Variants in PDHX observed in about 807,000 individuals in gnomAD.
PDHX encodes pyruvate dehydrogenase complex component X, also known as pyruvate dehydrogenase protein X component, mitochondrial.
A neutral mutation model predicts 55.3 loss-of-function variants in PDHX; 33 were observed. The ratio of observed to expected loss-of-function variants is 0.60; its 90% CI spans 0.45 to 0.80. PDHX has a LOEUF of 0.80. Ranked by LOEUF, PDHX falls within the 30% of genes least tolerant of loss-of-function variation. PDHX has a pLI of 0.00. For missense variants in PDHX, 622 were observed against 619.9 expected (o/e 1.00, Z -0.04); for synonymous variants, 226 against 219.4 (o/e 1.03, Z -0.27).
At chr11:34,975,351 T>C (rs1255827307) in intron 7 of PDHX, among the ~76,000 whole-genome samples, 1 of 152,182 alleles carries the variant, frequency 6.6e-6, no homozygotes, top group Admixed American at 6.6e-5. Flanking sequence ...ATGTGGTTTC[T>C]CTTTGGGGCT....
chr11:34,930,974 G>A (rs923642151), intron 1 of PDHX, among the ~76,000 whole-genome samples: 2 of 152,154 alleles, frequency 1.3e-5, no homozygotes, highest in African/African-American at 2.4e-5. Context: ...CATCAGAACC[G>A]TGTTTTTGTT....
intron 2 of PDHX, among the ~76,000 whole-genome samples, chr11:34,939,663 G>T (rs965702270): frequency 3.3e-5 from 5 of 152,178 alleles, no homozygotes; most frequent in Admixed American, 1.3e-4. Context: ...GAATATCCTG[G>T]ATTTATAATT....
At chr11:34,964,054 G>A (rs1855077783) in intron 5 of PDHX, among the ~76,000 whole-genome samples, 2 of 152,190 alleles carry the variant, frequency 1.3e-5, no homozygotes, top group Non-Finnish European at 2.9e-5. Flanking sequence ...CAGTAGAGAA[G>A]GTTGTACCTG....
chr11:34,972,600 T>C (rs1282044040), intron 7 of PDHX, among the ~76,000 whole-genome samples: 1 of 152,100 alleles, frequency 6.6e-6, no homozygotes, highest in Non-Finnish European at 1.5e-5. Flanking sequence ...TGTTTTAGCA[T>C]GTTGGCCACG....
At chr11:34,970,793 A>G (rs1195274952) in intron 7 of PDHX, among the ~76,000 whole-genome samples, 1 of 152,220 alleles carries the variant, frequency 6.6e-6, no homozygotes, top group Non-Finnish European at 1.5e-5. Flanking sequence ...AAAACAGTAA[A>G]TGTAATATTA....
At chr11:34,963,881 C>T (rs1286873043) in intron 5 of PDHX, among the ~76,000 whole-genome samples, 1 of 152,184 alleles carries the variant, frequency 6.6e-6, no homozygotes, top group Non-Finnish European at 1.5e-5. Flanking sequence ...GCCCCAATGT[C>T]TTTGGTACAT....
Position 34,957,535 on chromosome 11 carries a change from C to T in PDHX, c.494C>T (p.Pro165Leu), listed in dbSNP as rs1233461632. ...TCAGAGCCTCGCCCCTCACCAGAAC[C>T]ACAGATTTCCATCCCTGTCAAGAAG... ...KPSEPRPSPEPQISIPVKKEH... is the reference protein window; with the variant it reads ...KPSEPRPSPELQISIPVKKEH... The change falls in exon 4 of 11, where the codon CCA becomes CTA. Residue 165 changes from proline (P) to leucine (L), a missense_variant. Physicochemically the swap from Pro to Leu is moderately conservative, Grantham distance 98. Transcript: ENST00000227868. 2 of 1,613,922 alleles carry T rather than the reference C, an allele frequency of 1.2e-6. No individual in the cohort carries two copies. Among genetic ancestry groups the T allele is most frequent in the East Asian group, 2.2e-5 (1 of 44,894 alleles).
chr11:34,936,125 G>A (rs181784590), intron 2 of PDHX, among the ~76,000 whole-genome samples: 1 of 152,310 alleles, frequency 6.6e-6, no homozygotes, highest in East Asian at 1.9e-4. Flanking sequence ...GAGCTGGGGA[G>A]TTTGGGACAA....
intron 7 of PDHX, among the ~76,000 whole-genome samples, chr11:34,971,266 A>G (rs1206133126): frequency 6.6e-6 from 1 of 152,026 alleles, no homozygotes; most frequent in East Asian, 1.9e-4. Context: ...TGATAGTTTT[A>G]TTTCTTTATT....
intron 2 of PDHX, among the ~76,000 whole-genome samples, chr11:34,936,707 T>A (rs1004679202): frequency 6.6e-6 from 1 of 151,978 alleles, no homozygotes; most frequent in South Asian, 2.1e-4. Context: ...TTTATCAGTC[T>A]GTGAGGGTCC....
intron 1 of PDHX, among the ~76,000 whole-genome samples, chr11:34,925,412 G>A (rs563775159): frequency 1.3e-5 from 2 of 152,232 alleles, no homozygotes; most frequent in South Asian, 4.1e-4. Flanking sequence ...CTCTTTAATT[G>A]ATTATTACGT....
intron 3 of PDHX, among the ~76,000 whole-genome samples, chr11:34,954,109 T>C (rs1854847440): frequency 6.6e-6 from 1 of 152,228 alleles, no homozygotes; most frequent in Non-Finnish European, 1.5e-5. Flanking sequence ...TGGAAAATCA[T>C]AGTGATGAAC....
chr11:34,916,285 G>T (rs774565620), upstream of PDHX: 2 of 1,612,310 alleles, frequency 1.2e-6, no homozygotes, highest in Non-Finnish European at 1.7e-6. Context: ...AGCCAGACAT[G>T]GCCCAGACCA....
intron 6 of PDHX, among the ~76,000 whole-genome samples, chr11:34,967,299 T>C (rs1819839057): frequency 6.6e-6 from 1 of 152,214 alleles, no homozygotes; most frequent in Non-Finnish European, 1.5e-5. Flanking sequence ...AATGCTTTGT[T>C]TTACAGATTT....
upstream of PDHX, chr11:34,916,231 C>G (rs763711108): frequency 6.2e-7 from 1 of 1,611,518 alleles, no homozygotes; most frequent in South Asian, 1.1e-5. Context: ...CCCCTACCTG[C>G]GCGCCGCATC....
intron 10 of PDHX, among the ~76,000 whole-genome samples, chr11:34,994,076 G>A (rs1177200383): frequency 6.6e-6 from 1 of 152,058 alleles, no homozygotes; most frequent in Non-Finnish European, 1.5e-5. Flanking sequence ...TTATGATGGG[G>A]ATATGAGAAA....
At position 34,916,816 on chromosome 11, in the gene PDHX, G is replaced by A; in HGVS notation, c.160+1G>A. ...TTTCACAGCACGCAGTGGCTTCGGGGTGAGTGGCCGGGGCTCGCTCAGCTT... is the reference window on the plus strand; with the variant it reads ...TTTCACAGCACGCAGTGGCTTCGGGATGAGTGGCCGGGGCTCGCTCAGCTT... On this transcript the variant is annotated splice_donor_variant, in intron 1 of 10. Transcript: ENST00000227868. LOFTEE classifies it high-confidence loss of function. 1.9e-6 allele frequency: 3 copies of A among 1,569,324 alleles called. No individual in the cohort carries two copies. The highest frequency in any genetic ancestry group is 2.6e-6 in the Non-Finnish European group (3 of 1,157,454).
chr11:34,916,517 G>A, upstream of PDHX: 2 of 1,459,092 alleles, frequency 1.4e-6, no homozygotes, highest in Non-Finnish European at 1.8e-6. Context: ...GGCGGGGCTG[G>A]GTTGGGGGGC....
At chr11:34,982,924 G>T (rs1310409305) in intron 8 of PDHX, among the ~76,000 whole-genome samples, 3 of 152,138 alleles carry the variant, frequency 2.0e-5, no homozygotes, top group Admixed American at 2.0e-4. Context: ...CTCATTTTAT[G>T]AGGCCAGCAT....
Sources: allele counts gnomAD v4.1 joint callset (sites outside exome capture counted in the v4.1 genomes callset), GRCh38; gene constraint gnomAD v4.1.1; transcripts MANE v1.5; gene names NCBI Gene and HGNC (gene_info 2026-07-23, HGNC 2026-07-21).